The following AIFM1 variants were observed in gnomAD, a reference collection of about 807,000 sequenced individuals.
AIFM1 encodes apoptosis inducing factor mitochondria associated 1.
Under a neutral mutation model 51.7 loss-of-function variants are expected in AIFM1, and 3 were observed. The ratio of observed to expected loss-of-function variants is 0.06; its 90% CI spans 0.03 to 0.15. AIFM1 has a LOEUF of 0.15. AIFM1 is among the 10% of genes least tolerant of loss of function. The pLI, the probability that AIFM1 is intolerant of heterozygous loss-of-function variation, is 1.00. For missense variants in AIFM1, 330 were observed against 476.8 expected, an observed-to-expected ratio of 0.69 and a Z score of 2.87; for synonymous variants, 178 against 179.4, an observed-to-expected ratio of 0.99 and a Z score of 0.06.
chrX:130,149,892 T>C (rs1188716647), intron 2 of AIFM1, among the ~76,000 whole-genome samples: 1 of 112,210 alleles, frequency 8.9e-6, no homozygotes, highest in Non-Finnish European at 1.9e-5. Flanking sequence ...AAGAATAAAG[T>C]GCTAGAAAGG....
At chrX:130,162,520 A>C (rs1277026236) in intron 1 of AIFM1, among the ~76,000 whole-genome samples, 2 of 112,299 alleles carry the variant, frequency 1.8e-5, no homozygotes, top group East Asian at 5.5e-4. Context: ...CATTTCTAGA[A>C]AATGTAACTT....
At chrX:130,135,729 C>T (rs2030307726) in intron 12 of AIFM1, among the ~76,000 whole-genome samples, 1 of 112,045 alleles carries the variant, frequency 8.9e-6, no homozygotes, top group Non-Finnish European at 1.9e-5. Flanking sequence ...GCAAAGGGAA[C>T]AGCAGATCCA....
intron 1 of AIFM1, among the ~76,000 whole-genome samples, chrX:130,159,866 G>C (rs779909298): frequency 9.3e-6 from 1 of 107,534 alleles, no homozygotes; most frequent in South Asian, 4.1e-4. Flanking sequence ...CTGTCCCCAA[G>C]CTGGAGTGCA....
At chrX:130,134,110 G>A (rs1055740599) in intron 12 of AIFM1, among the ~76,000 whole-genome samples, 1 of 110,188 alleles carries the variant, frequency 9.1e-6, no homozygotes. Context: ...GGTGGCAAGC[G>A]CCTGTAATCC....
At chrX:130,134,088 T>C (rs1045805677) in intron 12 of AIFM1, among the ~76,000 whole-genome samples, 2 of 110,135 alleles carry the variant, frequency 1.8e-5, no homozygotes, top group African/African-American at 6.6e-5. Context: ...ATACAAAAAA[T>C]TAGGCGTGTG....
chrX:130,134,917 A>G (rs1008103337), intron 12 of AIFM1, among the ~76,000 whole-genome samples: 1 of 111,742 alleles, frequency 8.9e-6, no homozygotes, highest in Non-Finnish European at 1.9e-5. Flanking sequence ...GGAAAAGAGC[A>G]GAATATTATA....
In AIFM1 at chrX:130,149,547, C is replaced by T. The variant is rs1362616989; in HGVS notation, c.271G>A (p.Asp91Asn). ...GAYAYKTMKE[D>N]EKRYNERISG... ...ATTCTTTCATTGTATCTTTTTTCAT[C>T]CTCTTTCATAGTCTTGTAGGCCTGC... Residue 91 changes from aspartate to asparagine, a missense_variant, in exon 3 of 16, where the codon GAT (aspartate) becomes AAT (asparagine). Coordinates refer to ENST00000287295, the MANE Select transcript of AIFM1 (RefSeq NM_004208.4). The T allele has an allele frequency of 8.3e-7, 1 of 1,208,095 alleles. No homozygotes were observed. The highest frequency in any genetic ancestry group is 1.7e-5 in the African/African-American group (1 of 57,666).
At chrX:130,140,664 A>G (rs367858444) in intron 6 of AIFM1, 47 bp from the exon 7 acceptor site, 8 of 1,003,932 alleles carry the variant, frequency 8.0e-6, no homozygotes, top group Non-Finnish European at 1.1e-5. Context: ...ATGAATTAGC[A>G]TTGAAAAAGT....
chrX:130,130,310 A>G, intron 14 of AIFM1, 144 bp from the exon 15 acceptor site: 4 of 676,396 alleles, frequency 5.9e-6, no homozygotes, highest in Non-Finnish European at 9.0e-6. Flanking sequence ...ATGCCCCCTC[A>G]GTAAACCCTG....
In AIFM1 at chrX:130,165,668, C is replaced by G; in HGVS notation, c.-12G>C. 8.5e-7 allele frequency: 1 copy of G among 1,170,729 alleles called. No homozygotes were observed. Among genetic ancestry groups the G allele is most frequent in the East Asian group, 3.1e-5 (1 of 32,056 alleles). ...CCACACCGGAACATTTCGGCGACCG[C>G]TATTCGGGACCTCCTCCTTCCCTTT... On this transcript the variant is annotated 5_prime_UTR_variant, in exon 1 of 16. Coordinates refer to ENST00000287295, the MANE Select transcript of AIFM1 (RefSeq NM_004208.4).
At chrX:130,143,937 G>T (rs893287449) in intron 6 of AIFM1, among the ~76,000 whole-genome samples, 2 of 111,544 alleles carry the variant, frequency 1.8e-5, no homozygotes, top group Non-Finnish European at 3.8e-5. Context: ...CTGTGGCTCA[G>T]ACAGACCCGG....
intron 2 of AIFM1, among the ~76,000 whole-genome samples, chrX:130,150,022 G>A (rs1337864077): frequency 4.5e-5 from 5 of 111,386 alleles, no homozygotes; most frequent in South Asian, 7.5e-4. Flanking sequence ...TCAACATTCC[G>A]GCTTTTGCTA....
At chrX:130,155,450 T>A (rs41301491) in intron 2 of AIFM1, among the ~76,000 whole-genome samples, 1 of 112,592 alleles carries the variant, frequency 8.9e-6, no homozygotes, top group Non-Finnish European at 1.9e-5. Flanking sequence ...GTGTATTTCA[T>A]CAAACCACAT....
intron 2 of AIFM1, among the ~76,000 whole-genome samples, chrX:130,150,977 C>CAAAAAAAAAAAAA (rs759870161): frequency 0.011 from 299 of 27,722 alleles, 34 homozygotes; most frequent in African/African-American, 0.031. Context: ...GACTCTGTCT[C>CAAAAAAAAAAAAA]AAAAAAAAAA....
intron 1 of AIFM1, among the ~76,000 whole-genome samples, 188 bp downstream of exon 1, chrX:130,165,363 G>A (rs750954256): frequency 8.9e-6 from 1 of 112,367 alleles, no homozygotes; most frequent in African/African-American, 3.2e-5. Flanking sequence ...TCTCTTGAAG[G>A]TCAGGTCGGC....
rs956978508 is a variant in AIFM1 at position 130,129,419 on chromosome X, A to G, written c.*138T>C. 11 of 536,867 alleles carry G rather than the reference A, an allele frequency of 2.0e-5. No individual in the cohort carries two copies. The highest frequency in any genetic ancestry group is 3.3e-5 in the Non-Finnish European group (10 of 299,154). The allele number at this position is 536,867 out of a possible 1,213,427, so 44.2% of individuals were successfully genotyped here. ...ATGTGAACATTAAGAATTTACCTAC[A>G]TAGTTGAAAATATTCACAAAGGACT... On this transcript the variant is annotated 3_prime_UTR_variant, in exon 16 of 16. Transcript: ENST00000287295.
At chrX:130,144,792 T>A (rs1417567409) in intron 6 of AIFM1, among the ~76,000 whole-genome samples, 1 of 112,519 alleles carries the variant, frequency 8.9e-6, no homozygotes, top group Non-Finnish European at 1.9e-5. Flanking sequence ...TGTTTACACA[T>A]AGGGGACACT....
intron 2 of AIFM1, among the ~76,000 whole-genome samples, chrX:130,152,748 C>T (rs746290741): frequency 9.9e-4 from 111 of 111,866 alleles, no homozygotes; most frequent in African/African-American, 3.6e-3. Context: ...ACTCTCACAT[C>T]AATGCGAATC....
intron 13 of AIFM1, among the ~76,000 whole-genome samples, chrX:130,132,402 G>A (rs2030128013): frequency 8.9e-6 from 1 of 112,528 alleles, no homozygotes; most frequent in African/African-American, 3.2e-5. Flanking sequence ...GGAAAGTGAT[G>A]AGGTTCCCAC....
Sources: gnomAD v4.1 joint callset for allele counts (sites outside exome capture counted in the v4.1 genomes callset) on GRCh38, gnomAD v4.1.1 for gene constraint, MANE v1.5 for transcripts, NCBI Gene and HGNC (gene_info 2026-07-23, HGNC 2026-07-21) for gene names.